Variants in ST6GAL1 observed in about 807,000 individuals in gnomAD.
The protein encoded by ST6GAL1 is beta-galactoside alpha-2,6-sialyltransferase 1.
Under a neutral mutation model 38.0 loss-of-function variants are expected in ST6GAL1, and 20 were observed. The ratio of observed to expected loss-of-function variants is 0.53; its 90% CI spans 0.37 to 0.77. The LOEUF is 0.77. Ranked by LOEUF, ST6GAL1 falls within the 30% of genes least tolerant of loss-of-function variation. The probability of loss-of-function intolerance (pLI) is 0.00; values close to 1 mark genes in which losing one functional copy is unlikely to be tolerated. For synonymous variants in ST6GAL1, 196 were observed against 188.2 expected (o/e 1.04, Z -0.34); for missense variants, 432 against 496.4 (o/e 0.87, Z 1.23).
intron 1 of ST6GAL1, among the ~76,000 whole-genome samples, chr3:186,950,819 C>A (rs1015694900): frequency 2.0e-5 from 3 of 152,212 alleles, no homozygotes; most frequent in African/African-American, 7.2e-5. Context: ...TTGGGTGAAT[C>A]ATTTGGATGA....
At position 187,042,932 on chromosome 3, in the gene ST6GAL1, A is replaced by G. The variant is rs1164064322; in HGVS notation, c.229A>G (p.Thr77Ala). ...STQDPHRGRQ[T>A]LGSLRGLAKA... ...CCAGGACCCCCACAGGGGCCGCCAG[A>G]CCCTCGGCAGTCTCAGAGGCCTAGC... The change falls in exon 4 of 8, where the codon ACC (threonine) becomes GCC (alanine). Residue 77 changes from threonine (T) to alanine (A), a missense_variant. Coordinates refer to ENST00000169298, the MANE Select transcript of ST6GAL1 (RefSeq NM_173216.2). 6.2e-7 allele frequency: 1 copy of G among 1,614,110 alleles called. No individual in the cohort carries two copies. The highest frequency in any genetic ancestry group is 1.7e-5 in the Admixed American group (1 of 60,022).
chr3:187,016,566 G>C (rs561982138), intron 2 of ST6GAL1, among the ~76,000 whole-genome samples: 5 of 152,250 alleles, frequency 3.3e-5, no homozygotes, highest in African/African-American at 1.2e-4. Context: ...AGGTTGAGAT[G>C]AACCATTGAG....
At chr3:186,982,290 T>C (rs574159581) in intron 2 of ST6GAL1, among the ~76,000 whole-genome samples, 1 of 152,350 alleles carries the variant, frequency 6.6e-6, no homozygotes. Context: ...ATCCCTACAT[T>C]CCCATCTAAC....
chr3:186,957,686 T>TC (rs1181977831), intron 1 of ST6GAL1, among the ~76,000 whole-genome samples: 1 of 151,616 alleles, frequency 6.6e-6, no homozygotes, highest in Non-Finnish European at 1.5e-5. Context: ...GAGAAAATCC[T>TC]CCCCCCAACC....
At chr3:187,019,912 T>A (rs1717238885) in intron 2 of ST6GAL1, among the ~76,000 whole-genome samples, 1 of 152,140 alleles carries the variant, frequency 6.6e-6, no homozygotes, top group African/African-American at 2.4e-5. Flanking sequence ...GCAACTGTAG[T>A]TGGTGTGATA....
chr3:187,044,661 G>C (rs1487932085), intron 4 of ST6GAL1, among the ~76,000 whole-genome samples: 2 of 152,136 alleles, frequency 1.3e-5, no homozygotes, highest in Non-Finnish European at 2.9e-5. Flanking sequence ...CTAGGTATTA[G>C]CTGATCCTTC....
At chr3:187,064,346 T>C (rs1364826022) in intron 5 of ST6GAL1, among the ~76,000 whole-genome samples, 3 of 152,194 alleles carry the variant, frequency 2.0e-5, no homozygotes, top group African/African-American at 7.2e-5. Flanking sequence ...GAGAAATCAA[T>C]TGAAACTCTC....
At position 187,075,897 on chromosome 3, in the gene ST6GAL1, C is replaced by T. The variant is rs1719544614; in HGVS notation, c.*94C>T. The T allele has an allele frequency of 1.3e-6, 2 of 1,545,592 alleles. No individual in the cohort carries two copies. Among genetic ancestry groups the T allele is most frequent in the Admixed American group, 3.7e-5 (2 of 54,128 alleles). On this transcript the variant is annotated 3_prime_UTR_variant, in exon 8 of 8. Coordinates refer to ENST00000169298, the MANE Select transcript of ST6GAL1 (RefSeq NM_173216.2). The surrounding 1 kb of genome is among the most constrained non-coding windows in gnomAD (Gnocchi z 4.1). ...GAACATTTTCCTGAACAATTCCAGC[C>T]TGCTCCTTTTACTCTAGGGGCCTCT... is the stretch of plus-strand genomic sequence containing the variant.
At chr3:187,034,821 A>G (rs928714417) in intron 2 of ST6GAL1, among the ~76,000 whole-genome samples, 1 of 152,240 alleles carries the variant, frequency 6.6e-6, no homozygotes, top group East Asian at 1.9e-4. Context: ...AAAAACTGGA[A>G]GCATTCTCCT....
intron 3 of ST6GAL1, among the ~76,000 whole-genome samples, chr3:187,039,508 TGGCC>T (rs1718056289): frequency 6.6e-6 from 1 of 151,754 alleles, no homozygotes; most frequent in South Asian, 2.1e-4. Context: ...GAAGGGGAGG[TGGCC>T]TCCACTGACC....
chr3:187,047,269 A>G (rs1718334114), intron 4 of ST6GAL1, among the ~76,000 whole-genome samples: 1 of 149,060 alleles, frequency 6.7e-6, no homozygotes, highest in Non-Finnish European at 1.5e-5. Flanking sequence ...TTTTTTTTTA[A>G]CTCTGATCTA....
At chr3:187,066,816 C>CT (rs1283153412) in intron 5 of ST6GAL1, among the ~76,000 whole-genome samples, 3 of 152,068 alleles carry the variant, frequency 2.0e-5, no homozygotes, top group Non-Finnish European at 4.4e-5. Flanking sequence ...TCCTCCCCTG[C>CT]CCCCTAAGAG....
intron 2 of ST6GAL1, among the ~76,000 whole-genome samples, chr3:187,006,814 C>T (rs1023832986): frequency 1.3e-5 from 2 of 152,028 alleles, no homozygotes; most frequent in African/African-American, 4.8e-5. Flanking sequence ...CAAAGAGAAT[C>T]GTGAAAAAAA....
At chr3:186,960,822 G>C (rs985205906) in intron 1 of ST6GAL1, among the ~76,000 whole-genome samples, 1 of 151,406 alleles carries the variant, frequency 6.6e-6, no homozygotes, top group South Asian at 2.1e-4. Flanking sequence ...GCCAACCCTA[G>C]TGGCCCGCGG....
At chr3:186,968,059 T>C (rs9852856) in intron 2 of ST6GAL1, among the ~76,000 whole-genome samples, 139,520 of 152,284 alleles carry the variant, frequency 0.92, 63,951 homozygotes, top group East Asian at 0.93. Context: ...GAGCCTTCTT[T>C]GAGGTCTTGC....
chr3:187,014,343 C>G (rs1717054222), intron 2 of ST6GAL1, among the ~76,000 whole-genome samples: 1 of 152,184 alleles, frequency 6.6e-6, no homozygotes, highest in African/African-American at 2.4e-5. Flanking sequence ...GGTCTTTTGC[C>G]TTCTCAGTCT....
At chr3:187,043,567 AT>A (rs1356985862) in intron 4 of ST6GAL1, among the ~76,000 whole-genome samples, 1 of 152,180 alleles carries the variant, frequency 6.6e-6, no homozygotes, top group Non-Finnish European at 1.5e-5. Flanking sequence ...AATTAGATAT[AT>A]TTATGGGGAT....
intron 5 of ST6GAL1, among the ~76,000 whole-genome samples, chr3:187,066,042 A>G (rs1719105641): frequency 6.6e-6 from 1 of 150,786 alleles, no homozygotes; most frequent in Non-Finnish European, 1.5e-5. Context: ...TTTCTTCTCA[A>G]GATACTGAAA....
At position 187,072,744 on chromosome 3, in the gene ST6GAL1, G is replaced by A; in HGVS notation, c.706-105G>A. The stretch of plus-strand genomic sequence containing the variant: ...GCACCAGAACTTAGAAGCCTCATGG[G>A]GCTCTGGGGCCTCAGGCTGTACCTT... On this transcript the variant is annotated intron_variant, in intron 5 of 7. Transcript: ENST00000169298. 3 of 958,866 alleles carry A rather than the reference G, an allele frequency of 3.1e-6. 1 individual carries two copies. The South Asian group carries it at 3.9e-5, about 12-fold the overall frequency. 59.4% of individuals were successfully genotyped at this position (958,866 alleles called of 1,614,324 possible). A position where few individuals can be genotyped will look rare whatever the true frequency, so the allele number is the denominator to read the frequency against.
Sources: gnomAD v4.1 joint callset for allele counts (sites outside exome capture counted in the v4.1 genomes callset) on GRCh38, gnomAD v4.1.1 for gene constraint, Gnocchi (gnomAD v3.1) non-coding constraint, MANE v1.5 for transcripts, NCBI Gene and HGNC (gene_info 2026-07-23, HGNC 2026-07-21) for gene names.